The following KAZN variants were observed in gnomAD, a reference collection of about 807,000 sequenced individuals.
KAZN encodes the protein kazrin.
KAZN carries 40 observed loss-of-function variants against 87.4 expected under a neutral mutation model. The observed-to-expected ratio is 0.46, with a 90% CI of 0.36 to 0.60. The LOEUF (loss-of-function observed/expected upper bound fraction) is 0.60, where lower values mean the gene tolerates loss of function less well. KAZN is among the 20% of genes least tolerant of loss of function. KAZN has a pLI of 0.00. For synonymous variants in KAZN, 466 were observed against 458.3 expected (o/e 1.02, Z -0.22); for missense variants, 898 against 1,073.9 (o/e 0.84, Z 2.29).
At chr1:14,724,202 C>A (rs894267324) in intron 1 of KAZN, among the ~76,000 whole-genome samples, 1 of 151,852 alleles carries the variant, frequency 6.6e-6, no homozygotes, top group Non-Finnish European at 1.5e-5. Flanking sequence ...AATCCCCCAA[C>A]CAATTTTTTG....
At chr1:14,543,350 C>G (rs992159905) in intron 2 of KAZN, among the ~76,000 whole-genome samples, 7 of 152,132 alleles carry the variant, frequency 4.6e-5, no homozygotes, top group African/African-American at 1.4e-4. Context: ...AGAACAATGC[C>G]CCAAGCTTCA....
At chr1:13,999,714 G>A (rs1034167914) in intron 1 of KAZN, among the ~76,000 whole-genome samples, 1 of 152,142 alleles carries the variant, frequency 6.6e-6, no homozygotes, top group African/African-American at 2.4e-5. Flanking sequence ...GAGCAGAATT[G>A]AAGGAGATAG....
intron 2 of KAZN, among the ~76,000 whole-genome samples, chr1:14,997,033 G>C (rs1310418600): frequency 6.6e-6 from 1 of 152,006 alleles, no homozygotes; most frequent in East Asian, 1.9e-4. Context: ...CCTGATGCCT[G>C]GAGTTCCTGA....
At chr1:14,245,990 T>C (rs1441137183) in intron 2 of KAZN, among the ~76,000 whole-genome samples, 2 of 152,226 alleles carry the variant, frequency 1.3e-5, no homozygotes, top group African/African-American at 4.8e-5. Context: ...CATGGAGTAT[T>C]AATGTAGCCA....
At chr1:14,082,669 G>A (rs376020197) in intron 1 of KAZN, among the ~76,000 whole-genome samples, 3 of 152,100 alleles carry the variant, frequency 2.0e-5, no homozygotes, top group African/African-American at 4.8e-5. Context: ...TGTTTTTGCC[G>A]AACCTCCATA....
chr1:14,825,810 T>G (rs761376503), intron 1 of KAZN, among the ~76,000 whole-genome samples: 1 of 152,232 alleles, frequency 6.6e-6, no homozygotes, highest in Non-Finnish European at 1.5e-5. Flanking sequence ...TTTCTGTCCA[T>G]GTGTCCACTG....
At chr1:14,371,160 A>G (rs1188480057) in intron 2 of KAZN, among the ~76,000 whole-genome samples, 1 of 152,188 alleles carries the variant, frequency 6.6e-6, no homozygotes, top group African/African-American at 2.4e-5. Flanking sequence ...TCAGAGTTCC[A>G]GGTTCAGTTA....
intron 2 of KAZN, among the ~76,000 whole-genome samples, chr1:14,581,394 C>T (rs1264417376): frequency 6.6e-6 from 1 of 152,138 alleles, no homozygotes; most frequent in Non-Finnish European, 1.5e-5. Context: ...ATCTAGAATC[C>T]ATTCACCTTT....
intron 1 of KAZN, among the ~76,000 whole-genome samples, chr1:14,793,396 C>T (rs1372897044): frequency 6.6e-6 from 1 of 152,184 alleles, no homozygotes; most frequent in African/African-American, 2.4e-5. Flanking sequence ...AGCGCCTACT[C>T]CATGCAGCTT....
At chr1:14,267,084 T>A (rs942453000) in intron 2 of KAZN, among the ~76,000 whole-genome samples, 3 of 83,922 alleles carry the variant, frequency 3.6e-5, no homozygotes, top group Non-Finnish European at 9.4e-5. Context: ...TGTTCCCAAA[T>A]TTTTTTTTCT....
At chr1:14,976,445 G>A (rs1665630672) in intron 2 of KAZN, among the ~76,000 whole-genome samples, 1 of 152,330 alleles carries the variant, frequency 6.6e-6, no homozygotes, top group South Asian at 2.1e-4. Context: ...AATTCCGGAG[G>A]AACTGCTCAC....
At chr1:14,036,658 G>A (rs1641572355) in intron 1 of KAZN, among the ~76,000 whole-genome samples, 1 of 152,074 alleles carries the variant, frequency 6.6e-6, no homozygotes, top group African/African-American at 2.4e-5. Context: ...GTGAGACTCT[G>A]TCAAACAGAA....
intron 1 of KAZN, among the ~76,000 whole-genome samples, chr1:14,018,492 T>C (rs553152988): frequency 1.3e-5 from 2 of 152,092 alleles, no homozygotes; most frequent in African/African-American, 2.4e-5. Context: ...CATGTGATGG[T>C]TAATTTTGGG....
chr1:14,350,675 G>A (rs1658471080), intron 2 of KAZN, among the ~76,000 whole-genome samples: 1 of 152,216 alleles, frequency 6.6e-6, no homozygotes, highest in African/African-American at 2.4e-5. Context: ...GTGTGGAAGT[G>A]GCAGAGACCT....
intron 1 of KAZN, among the ~76,000 whole-genome samples, chr1:14,087,945 A>C (rs1489628117): frequency 1.3e-5 from 2 of 148,888 alleles, no homozygotes; most frequent in Admixed American, 6.7e-5. Flanking sequence ...TTTTGGTATT[A>C]GGGTAATGGT....
At chr1:15,074,669 C>G (rs923378920) in intron 8 of KAZN, among the ~76,000 whole-genome samples, 5 of 152,220 alleles carry the variant, frequency 3.3e-5, no homozygotes, top group African/African-American at 1.2e-4. Context: ...CAGCGATTTA[C>G]AGTTCACGAC....
At chr1:13,958,814 G>T (rs74510656) in intron 1 of KAZN, among the ~76,000 whole-genome samples, 1 of 152,086 alleles carries the variant, frequency 6.6e-6, no homozygotes, top group South Asian at 2.1e-4. Context: ...GACCAATGTG[G>T]CTGGAGCCAA....
intron 2 of KAZN, among the ~76,000 whole-genome samples, chr1:14,428,224 G>A (rs1401340277): frequency 6.6e-6 from 1 of 152,164 alleles, no homozygotes; most frequent in Non-Finnish European, 1.5e-5. Flanking sequence ...TCAGGTGCTA[G>A]CTCAGGAGTT....
chr1:14,246,220 A>G (rs1307092956), intron 2 of KAZN, among the ~76,000 whole-genome samples: 3 of 152,200 alleles, frequency 2.0e-5, no homozygotes, highest in Non-Finnish European at 4.4e-5. Flanking sequence ...TAGCTAATGC[A>G]TGCCGGGCTT....
Sources: gnomAD v4.1 joint callset for allele counts (sites outside exome capture counted in the v4.1 genomes callset) on GRCh38, gnomAD v4.1.1 for gene constraint, MANE v1.5 for transcripts, NCBI Gene and HGNC (gene_info 2026-07-23, HGNC 2026-07-21) for gene names.